The following MYBPC1 variants were observed in gnomAD, a reference collection of about 807,000 sequenced individuals.
MYBPC1 encodes the protein myosin binding protein C1.
MYBPC1 carries 52 observed loss-of-function variants against 147.1 expected under a neutral mutation model. The ratio of observed to expected loss-of-function variants is 0.35; its 90% CI spans 0.28 to 0.45. The LOEUF (loss-of-function observed/expected upper bound fraction) is 0.45. Ranked by LOEUF, MYBPC1 falls within the 20% of genes least tolerant of loss-of-function variation. The probability of loss-of-function intolerance (pLI) is 1.00; values close to 1 mark genes in which losing one functional copy is unlikely to be tolerated. For synonymous variants in MYBPC1, 477 were observed against 475.9 expected (o/e 1.00, Z -0.03); for missense variants, 1,228 against 1,440.3 (o/e 0.85, Z 2.39).
intron 30 of MYBPC1, among the ~76,000 whole-genome samples, chr12:101,683,921 A>G (rs536437510): frequency 6.6e-6 from 1 of 152,338 alleles, no homozygotes; most frequent in South Asian, 2.1e-4. Flanking sequence ...AGAATACACT[A>G]GTCTAATATT....
chr12:101,694,154 C>A, the MYBPC1 span, among the ~76,000 whole-genome samples: 1 of 152,180 alleles, frequency 6.6e-6, no homozygotes, highest in African/African-American at 2.4e-5. Context: ...GTTTGCCCAG[C>A]TGTAGTCTAA....
At position 101,673,613 on chromosome 12, in the gene MYBPC1, C is replaced by A. The variant is rs779508432; in HGVS notation, c.2800C>A (p.Gln934Lys). The change falls in exon 25 of 32, where the codon CAG (glutamine) becomes AAG (lysine). Residue 934 changes from glutamine to lysine, a missense_variant. Coordinates refer to ENST00000361466, the MANE Select transcript of MYBPC1 (RefSeq NM_002465.4). ...CGTGGAGACCGCATCAATTGACATC[C>A]AGATCATTGGTAGGTTTAGATGAAG... ...KFVETASIDI[Q>K]IIDRPGPPQI... The A allele has an allele frequency of 6.2e-7, 1 of 1,614,114 alleles. No homozygotes were observed. The highest frequency in any genetic ancestry group is 1.1e-5 in the South Asian group (1 of 91,080).
rs536381953 is a variant in MYBPC1, at chr12:101,610,706, G to T, written c.26-3790G>T. On this transcript the variant is annotated intron_variant, in intron 1 of 31. Coordinates refer to ENST00000361466, the MANE Select transcript of MYBPC1 (RefSeq NM_002465.4). ...GATGTGCACCCCACTCCTACAAATAGGGAGGGCAACATCCATATGAGGTTA... is the reference window on the plus strand; with the variant it reads ...GATGTGCACCCCACTCCTACAAATATGGAGGGCAACATCCATATGAGGTTA... Among the ~76,000 whole-genome samples the T allele has an allele frequency of 2.6e-5, 4 of 152,288 alleles. No individual in the cohort carries two copies. In the East Asian group the frequency reaches 7.7e-4, roughly 29 times the overall value.
chr12:101,663,761 C>A (rs1417618482), intron 22 of MYBPC1, among the ~76,000 whole-genome samples: 2 of 152,174 alleles, frequency 1.3e-5, no homozygotes, highest in African/African-American at 4.8e-5. Context: ...TCAAAAGTAT[C>A]TTGGCTAGGC....
At chr12:101,671,787 A>G (rs1439441676) in intron 24 of MYBPC1, among the ~76,000 whole-genome samples, 4 of 152,196 alleles carry the variant, frequency 2.6e-5, no homozygotes, top group African/African-American at 9.6e-5. Context: ...AGAAAAAATC[A>G]TGAGAACAGG....
At chr12:101,596,708 T>C (rs890187533) in intron 1 of MYBPC1, among the ~76,000 whole-genome samples, 4 of 152,252 alleles carry the variant, frequency 2.6e-5, no homozygotes, top group Non-Finnish European at 5.9e-5. Flanking sequence ...ATTCACTCTT[T>C]TATGGGGAAT....
intron 1 of MYBPC1, among the ~76,000 whole-genome samples, chr12:101,608,941 G>A (rs772696673): frequency 2.6e-5 from 4 of 152,090 alleles, no homozygotes; most frequent in Non-Finnish European, 4.4e-5. Flanking sequence ...GAAGAAAGCT[G>A]CCCACGGAAT....
chr12:101,676,766 AT>A (rs1440185083), intron 26 of MYBPC1, among the ~76,000 whole-genome samples: 1 of 152,156 alleles, frequency 6.6e-6, no homozygotes, highest in East Asian at 1.9e-4. Context: ...GAAAAAAAAA[AT>A]AATAATGTTA....
chr12:101,640,368 G>A (rs971210669), intron 10 of MYBPC1, among the ~76,000 whole-genome samples: 2 of 152,072 alleles, frequency 1.3e-5, no homozygotes, highest in Admixed American at 6.5e-5. Flanking sequence ...ATATTTAAAG[G>A]ATGTATTTGA....
At chr12:101,688,839 G>C (rs1045893267), downstream of MYBPC1, among the ~76,000 whole-genome samples, 3 of 151,440 alleles carry the variant, frequency 2.0e-5, no homozygotes, top group African/African-American at 7.3e-5. Flanking sequence ...TGTAGTCCCA[G>C]CTACTCAGAA....
At chr12:101,602,598 G>C (rs1880528228) in intron 1 of MYBPC1, among the ~76,000 whole-genome samples, 1 of 152,170 alleles carries the variant, frequency 6.6e-6, no homozygotes, top group South Asian at 2.1e-4. Flanking sequence ...CAGAAATCTT[G>C]TCTGGCACAA....
At chr12:101,667,436 T>C (rs1897699570) in intron 22 of MYBPC1, among the ~76,000 whole-genome samples, 3 of 152,254 alleles carry the variant, frequency 2.0e-5, no homozygotes, top group African/African-American at 7.2e-5. Context: ...ACAGAATTCT[T>C]GTGGACAGTT....
intron 3 of MYBPC1, among the ~76,000 whole-genome samples, chr12:101,620,555 G>A (rs867976218): frequency 2.4e-4 from 37 of 152,250 alleles, no homozygotes; most frequent in Admixed American, 1.2e-3. Context: ...CATGTGTAGG[G>A]AATAACGTGG....
intron 23 of MYBPC1, 143 bp from the exon 24 acceptor site, chr12:101,670,178 C>A (rs1259701292): frequency 1.3e-6 from 1 of 749,278 alleles, no homozygotes; most frequent in African/African-American, 1.7e-5. Flanking sequence ...TACTATATAT[C>A]GTCTGTTAGT....
chr12:101,674,070 G>C (rs1444082086), intron 25 of MYBPC1, among the ~76,000 whole-genome samples: 1 of 152,068 alleles, frequency 6.6e-6, no homozygotes, highest in Admixed American at 6.6e-5. Context: ...AGGACAGTAA[G>C]ATTTGTTACC....
intron 3 of MYBPC1, among the ~76,000 whole-genome samples, chr12:101,622,250 G>A (rs2135933170): frequency 6.6e-6 from 1 of 152,190 alleles, no homozygotes; most frequent in South Asian, 2.1e-4. Flanking sequence ...AGAAAGATTT[G>A]GATATTCAAA....
chr12:101,621,580 C>A (rs1887402603), intron 3 of MYBPC1, among the ~76,000 whole-genome samples: 1 of 152,158 alleles, frequency 6.6e-6, no homozygotes, highest in Non-Finnish European at 1.5e-5. Flanking sequence ...TTGTCTCAGT[C>A]AAACAAGGTA....
chr12:101,605,511 C>G (rs1319586725), intron 1 of MYBPC1, among the ~76,000 whole-genome samples: 1 of 152,116 alleles, frequency 6.6e-6, no homozygotes, highest in South Asian at 2.1e-4. Context: ...TACACACTAA[C>G]TTTAATTTGG....
intron 25 of MYBPC1, among the ~76,000 whole-genome samples, chr12:101,675,060 C>T (rs548715469): frequency 5.9e-5 from 9 of 152,090 alleles, no homozygotes; most frequent in Non-Finnish European, 1.0e-4. Context: ...CTGGCTAATC[C>T]GTTTTGAGTT....
Sources: allele counts gnomAD v4.1 joint callset (sites outside exome capture counted in the v4.1 genomes callset), GRCh38; gene constraint gnomAD v4.1.1; transcripts MANE v1.5; gene names NCBI Gene and HGNC (gene_info 2026-07-23, HGNC 2026-07-21).